CRAMP1: variants seen among roughly 807,000 people sequenced by gnomAD.
CRAMP1 encodes cramped chromatin regulator 1, also known as protein cramped-like.
Under a neutral mutation model 115.4 loss-of-function variants are expected in CRAMP1, and 50 were observed. The ratio of observed to expected loss-of-function variants is 0.43; its 90% CI spans 0.35 to 0.55. The LOEUF (loss-of-function observed/expected upper bound fraction) is 0.55. Among genes scored for constraint, CRAMP1 ranks in the 20% least tolerant of loss-of-function variants. The probability of loss-of-function intolerance (pLI) is 0.01; values close to 1 mark genes in which losing one functional copy is unlikely to be tolerated. For synonymous variants in CRAMP1, 866 were observed against 745.4 expected (o/e 1.16, Z -2.64); for missense variants, 1,679 against 1,721.7 (o/e 0.98, Z 0.44).
intron 8 of CRAMP1, 59 bp downstream of exon 8, chr16:1,653,215 C>T (rs952988323): frequency 3.2e-6 from 5 of 1,563,594 alleles, no homozygotes; most frequent in Non-Finnish European, 4.3e-6. Flanking sequence ...CTGGAAGCAA[C>T]GTGTGTGAGT....
intron 2 of CRAMP1, among the ~76,000 whole-genome samples, chr16:1,620,413 T>C (rs536648050): frequency 4.6e-5 from 7 of 152,062 alleles, no homozygotes; most frequent in Non-Finnish European, 8.8e-5. Context: ...AGCTGAGAAA[T>C]GAGTGAAGCA....
chr16:1,653,227 T>G, intron 8 of CRAMP1, 71 bp downstream of exon 8: 1 of 1,538,610 alleles, frequency 6.5e-7, no homozygotes. Flanking sequence ...TGTGTGAGTT[T>G]CCCTCAAGGA....
At position 1,656,664 on chromosome 16, in the gene CRAMP1, C is replaced by T. The variant is rs2036778357; in HGVS notation, c.1907C>T (p.Pro636Leu). The change falls in exon 10 of 21, where the codon CCT (proline) becomes CTT (leucine). Residue 636 changes from proline (P) to leucine (L), a missense_variant. Physicochemically the swap from Pro to Leu is moderately conservative, Grantham distance 98 (BLOSUM62 -3). This residue lies in a region of CRAMP1 where 405 missense variants were observed against 302.6 expected (regional missense o/e 1.34). Coordinates refer to ENST00000397412, the MANE Select transcript of CRAMP1 (RefSeq NM_020825.4). This position sits in a 1 kb window ranked among gnomAD's most constrained non-coding sequence, Gnocchi z 5.6. ...DVCTKDLADA[P>L]AEELQEKGSP... ...TGCACTAAAGACTTGGCAGATGCAC[C>T]TGCGGAGGAGCTCCAGGAGAAGGGG... 1.3e-6 allele frequency: 2 copies of T among 1,574,032 alleles called. No individual in the cohort carries two copies. Among genetic ancestry groups the T allele is most frequent in the Non-Finnish European group, 1.7e-6 (2 of 1,161,040 alleles).
intron 10 of CRAMP1, among the ~76,000 whole-genome samples, chr16:1,658,624 C>T (rs1246468060): frequency 2.0e-5 from 3 of 152,176 alleles, no homozygotes; most frequent in Non-Finnish European, 2.9e-5. Context: ...TGTGCTGTCT[C>T]TTGCCTGGTG....
chr16:1,620,092 G>A (rs544957400), intron 2 of CRAMP1, among the ~76,000 whole-genome samples: 2 of 152,226 alleles, frequency 1.3e-5, no homozygotes, highest in South Asian at 4.1e-4. Context: ...TGCTTGAAGG[G>A]TCCCCCCATG....
chr16:1,647,509 G>A (rs146911280), intron 6 of CRAMP1, among the ~76,000 whole-genome samples: 2,921 of 152,248 alleles, frequency 0.019, 111 homozygotes, highest in African/African-American at 0.066. Flanking sequence ...GGGAGGCCGA[G>A]GCGGGTGGAT....
Position 1,662,513 on chromosome 16 carries a change from C to G in CRAMP1, c.2437C>G (p.Leu813Val). 1 of 1,613,956 alleles carries G rather than the reference C, an allele frequency of 6.2e-7. No individual in the cohort carries two copies. The highest frequency in any genetic ancestry group is 1.1e-5 in the South Asian group (1 of 91,088). ...AGGTTTGAGAAACCCTCCAAGACCCCTCTTGGTGCCTGGTCCCTCCAGCAC... is the reference window on the plus strand; with the variant it reads ...AGGTTTGAGAAACCCTCCAAGACCCGTCTTGGTGCCTGGTCCCTCCAGCAC... ...SSGLRNPPRP[L>V]LVPGPSSTGS... Residue 813 changes from leucine (L) to valine (V), a missense_variant, in exon 12 of 21, where the codon CTC (leucine) becomes GTC (valine). This residue lies in a region of CRAMP1 where 709 missense variants were observed against 741.9 expected (regional missense o/e 0.96). Coordinates refer to ENST00000397412, the MANE Select transcript of CRAMP1 (RefSeq NM_020825.4).
intron 10 of CRAMP1, among the ~76,000 whole-genome samples, chr16:1,659,059 C>T (rs941005560): frequency 6.6e-5 from 10 of 152,112 alleles, no homozygotes; most frequent in African/African-American, 2.4e-4. Flanking sequence ...GCTCTGTGGG[C>T]CTGCACAACC....
At chr16:1,653,216 G>A (rs1019005548) in intron 8 of CRAMP1, 60 bp downstream of exon 8, 12 of 1,561,654 alleles carry the variant, frequency 7.7e-6, no homozygotes, top group African/African-American at 4.1e-5. Flanking sequence ...TGGAAGCAAC[G>A]TGTGTGAGTT....
chr16:1,630,649 C>T (rs569801624), intron 3 of CRAMP1, among the ~76,000 whole-genome samples: 27 of 152,304 alleles, frequency 1.8e-4, no homozygotes, highest in African/African-American at 1.9e-4. Context: ...CTGGCCAGGA[C>T]GCTGCGCCGC....
In CRAMP1 at chr16:1,641,055, A is replaced by G. The variant is rs923469340; in HGVS notation, c.779-84A>G. 78 of 916,026 alleles carry G rather than the reference A, an allele frequency of 8.5e-5. 1 individual carries two copies. The East Asian group carries it at 1.8e-3, about 21-fold the overall frequency. The allele number at this position is 916,026 out of a possible 1,614,324, so 56.7% of individuals were successfully genotyped here. On this transcript the variant is annotated intron_variant, in intron 5 of 20. Coordinates refer to ENST00000397412, the MANE Select transcript of CRAMP1 (RefSeq NM_020825.4). The stretch of plus-strand genomic sequence containing the variant: ...ATTCGGTAATGGGATTTGAGTCTAT[A>G]TTGAGCGGAATTGTATGGGAATCTT...
rs754452907 is a variant in CRAMP1 at position 1,656,608 on chromosome 16, G to A, written c.1851G>A (p.Pro617=). ...AADLAPTGPS[P]RPGPGLLLDV... The stretch of plus-strand genomic sequence containing the variant: ...ACCTTGCTCCCACTGGCCCATCCCC[G>A]AGGCCCGGCCCCGGGCTCCTGCTGG... Residue 617 remains proline (P), a synonymous_variant, in exon 10 of 21, where the codon CCG becomes CCA. Transcript: ENST00000397412. This position sits in a 1 kb window ranked among gnomAD's most constrained non-coding sequence, Gnocchi z 5.6. The A allele has an allele frequency of 1.1e-5, 18 of 1,573,526 alleles. 1 individual carries two copies. The South Asian group carries it at 1.3e-4, about 11-fold the overall frequency.
chr16:1,652,696 T>A, intron 7 of CRAMP1, 115 bp downstream of exon 7: 1 of 924,364 alleles, frequency 1.1e-6, no homozygotes, highest in Non-Finnish European at 1.7e-6. Context: ...TGACCCTGCT[T>A]AATCCCAGGG....
chr16:1,640,550 C>T (rs2036623382), intron 5 of CRAMP1, among the ~76,000 whole-genome samples: 1 of 152,216 alleles, frequency 6.6e-6, no homozygotes, highest in African/African-American at 2.4e-5. Flanking sequence ...CTAGTCTCTC[C>T]CGTTAACGTA....
chr16:1,612,698 G>T (rs997909931), intron 1 of CRAMP1, among the ~76,000 whole-genome samples, 41 bp downstream of exon 1: 9 of 152,120 alleles, frequency 5.9e-5, no homozygotes, highest in Non-Finnish European at 8.8e-5. Context: ...GGCGAGGCCC[G>T]GCCGGGGGGT....
chr16:1,622,587 C>T (rs2036474082), intron 2 of CRAMP1, among the ~76,000 whole-genome samples: 2 of 152,050 alleles, frequency 1.3e-5, no homozygotes, highest in African/African-American at 2.4e-5. Flanking sequence ...GGGCGATTTG[C>T]TTTCTTGTCT....
Position 1,676,610 on chromosome 16 carries a change from A to G in CRAMP1, c.*2565A>G, listed in dbSNP as rs1335489766. ...TCCTTTGTGCATTTGAGCATGCTGT[A>G]ATTAAGATGAGATCAGTTTCTTAGA... On this transcript the variant is annotated 3_prime_UTR_variant, in exon 21 of 21. Coordinates refer to ENST00000397412, the MANE Select transcript of CRAMP1 (RefSeq NM_020825.4). 6.6e-6 allele frequency: 1 copy of G among 152,248 alleles called. No homozygotes were observed. The highest frequency in any genetic ancestry group is 1.9e-4 in the East Asian group (1 of 5,200). The allele number at this position is 152,248 out of a possible 1,614,324, so 9.4% of individuals were successfully genotyped here.
chr16:1,656,126 G>A lies in CRAMP1; in HGVS notation c.1369G>A (p.Ala457Thr). 2 of 1,608,576 alleles carry A rather than the reference G, an allele frequency of 1.2e-6. No individual in the cohort carries two copies. The highest frequency in any genetic ancestry group is 1.7e-6 in the Non-Finnish European group (2 of 1,178,280). The change falls in exon 10 of 21, where the codon GCC becomes ACC. Residue 457 changes from alanine to threonine, a missense_variant. Coordinates refer to ENST00000397412, the MANE Select transcript of CRAMP1 (RefSeq NM_020825.4). This position sits in a 1 kb window ranked among gnomAD's most constrained non-coding sequence, Gnocchi z 5.6. The stretch of plus-strand genomic sequence containing the variant: ...GGGCATCCAGAGTGGGCAGGGCACG[G>A]CCCGGGGCCAGGTGAAATGCCCGCG... The part of the protein sequence containing the change: ...ILGIQSGQGT[A>T]RGQVKCPRSG...
rs2036400477 is a variant in CRAMP1, at chr16:1,614,602, C to A, written c.-1-37C>A. The A allele has an allele frequency of 8.4e-7, 1 of 1,196,432 alleles. No homozygotes were observed. Among genetic ancestry groups the A allele is most frequent in the Non-Finnish European group, 1.0e-6 (1 of 955,262 alleles). 74.1% of individuals were successfully genotyped at this position (1,196,432 alleles called of 1,614,324 possible). ...GGGCCGCTAAACTTCCCGGCCTGCG[C>A]CCGCCTCACCGGCCGCCTCCCCTCT... On this transcript the variant is annotated intron_variant, in intron 1 of 20. Coordinates refer to ENST00000397412, the MANE Select transcript of CRAMP1 (RefSeq NM_020825.4). This position sits in a 1 kb window ranked among gnomAD's most constrained non-coding sequence, Gnocchi z 4.4.
Sources: allele counts gnomAD v4.1 joint callset (sites outside exome capture counted in the v4.1 genomes callset), GRCh38; gene constraint gnomAD v4.1.1; regional missense constraint gnomAD v4.1.1; non-coding constraint Gnocchi (gnomAD v3.1); transcripts MANE v1.5; gene names NCBI Gene and HGNC (gene_info 2026-07-23, HGNC 2026-07-21).